Variants in SAP130 observed in about 807,000 individuals in gnomAD.
SAP130 encodes histone deacetylase complex subunit SAP130.
A neutral mutation model predicts 103.2 loss-of-function variants in SAP130; 16 were observed. The ratio of observed to expected loss-of-function variants is 0.16; its 90% CI spans 0.10 to 0.24. The LOEUF is 0.24. Among genes scored for constraint, SAP130 ranks in the 10% least tolerant of loss-of-function variants. The pLI is 1.00. For synonymous variants in SAP130, 477 were observed against 497.0 expected (o/e 0.96, Z 0.53); for missense variants, 990 against 1,359.7 (o/e 0.73, Z 4.28).
chr2:127,962,501 G>A lies in SAP130; in HGVS notation c.2064-7157C>T, dbSNP rs187284770. On this transcript the variant is annotated intron_variant, in intron 15 of 20. Coordinates refer to ENST00000643581, the MANE Select transcript of SAP130 (RefSeq NM_001330301.2). ...CCTAAATGTCCAAAAACGATAGACT[G>A]GATTAAGCAAATGTGGCACATATAC... Among the ~76,000 whole-genome samples the A allele has an allele frequency of 1.8e-4, 27 of 152,264 alleles. No individual in the cohort carries two copies. In the Middle Eastern group the frequency reaches 0.01, roughly 58 times the overall value.
rs754945555 is a variant in SAP130 at position 128,023,652 on chromosome 2, C to T, written c.112+2529G>A. On this transcript the variant is annotated intron_variant, in intron 2 of 20. Transcript: ENST00000643581. ...AAAATTAGCCGGGCACGGTGGTGGG[C>T]GCCTGTAGTCCCAGCTACTCAGGAG... is the stretch of plus-strand genomic sequence containing the variant. 2.6e-5 allele frequency among the ~76,000 whole-genome samples: 4 copies of T among 152,090 alleles called. No individual in the cohort carries two copies. The East Asian group carries it at 5.8e-4, about 22-fold the overall frequency.
intron 10 of SAP130, among the ~76,000 whole-genome samples, chr2:127,997,500 C>T (rs1308625977): frequency 6.6e-6 from 1 of 152,204 alleles, no homozygotes; most frequent in Non-Finnish European, 1.5e-5. Flanking sequence ...GATGCCCAGC[C>T]AGCTCCTGTG....
chr2:127,946,448 A>C (rs1307233049), intron 18 of SAP130, among the ~76,000 whole-genome samples: 2 of 152,178 alleles, frequency 1.3e-5, no homozygotes, highest in Non-Finnish European at 2.9e-5. Flanking sequence ...TATCATGAAA[A>C]GGTGTTTAAT....
rs1383393651 is a variant in SAP130, at chr2:128,026,285, G to A, written c.8C>T (p.Ser3Phe). ...GGCTCCTAACCGAGGAAACTGTTGA[G>A]AACTCATTTCCACCTGTAGTACATA... The part of the protein sequence containing the change: MS[S>F]QQFPRLGAPS... The change falls in exon 2 of 21, where the codon TCT (serine) becomes TTT (phenylalanine). Residue 3 changes from serine (S) to phenylalanine (F), a missense_variant. By Grantham distance (155) the Ser-to-Phe change is radical (BLOSUM62 -2). Coordinates refer to ENST00000643581, the MANE Select transcript of SAP130 (RefSeq NM_001330301.2). 2 of 1,612,826 alleles carry A rather than the reference G, an allele frequency of 1.2e-6. No individual in the cohort carries two copies. Among genetic ancestry groups the A allele is most frequent in the South Asian group, 1.1e-5 (1 of 91,066 alleles).
chr2:127,999,883 CT>C, intron 9 of SAP130, 38 bp from the exon 10 acceptor site: 1 of 1,446,150 alleles, frequency 6.9e-7, no homozygotes, highest in Non-Finnish European at 9.4e-7. Context: ...TTAACAAGAA[CT>C]TCTCTGCACA....
rs146149734 is a variant in SAP130 at position 127,968,079 on chromosome 2, G to A, written c.2063+9906C>T. Among the ~76,000 whole-genome samples the A allele has an allele frequency of 5.0e-3, 764 of 151,340 alleles. 5 individuals are homozygous for A. Among genetic ancestry groups the A allele is most frequent in the Middle Eastern group, 0.01 (3 of 286 alleles). On this transcript the variant is annotated intron_variant, in intron 15 of 20. Coordinates refer to ENST00000643581, the MANE Select transcript of SAP130 (RefSeq NM_001330301.2). ...CAGAACACTTCCTTAAACTTTTGGC[G>A]TCTTCATAATGTAACAGCTATAGTA... is the stretch of plus-strand genomic sequence containing the variant.
chr2:127,985,387 TAA>T (rs1287848568), intron 14 of SAP130, among the ~76,000 whole-genome samples: 4 of 152,226 alleles, frequency 2.6e-5, no homozygotes, highest in Non-Finnish European at 4.4e-5. Flanking sequence ...CCCAGCAATT[TAA>T]GTTTGCACTT....
rs1573676212 is a variant in SAP130 at position 127,964,998 on chromosome 2, C to CGA, written c.2064-9655_2064-9654insTC. On this transcript the variant is annotated intron_variant, in intron 15 of 20. Transcript: ENST00000643581. ...TGGGTGACAGAATGAGACTCTGTCTCAAAAAAAAAAAAAACAGGCTGGGTG... is the reference window on the plus strand; with the variant it reads ...TGGGTGACAGAATGAGACTCTGTCTCGAAAAAAAAAAAAAAACAGGCTGGGTG... Among the ~76,000 whole-genome samples, 3 of 136,488 alleles carry CGA rather than the reference C, an allele frequency of 2.2e-5. 1 individual carries two copies. The East Asian group carries it at 6.6e-4, about 30-fold the overall frequency. The allele number at this position is 136,488 out of a possible 152,430, so 89.5% of individuals were successfully genotyped here. A position where few individuals can be genotyped will look rare whatever the true frequency, so the allele number is the denominator to read the frequency against.
chr2:127,949,170 T>C lies in SAP130; in HGVS notation c.2797+699A>G, dbSNP rs375173060. ...CATCTTGAGCCTTCAAGAAAACCCT[T>C]AGAGCAGTTTCCAAATGGGATTTAT... is the stretch of plus-strand genomic sequence containing the variant. On this transcript the variant is annotated intron_variant, in intron 18 of 20. Coordinates refer to ENST00000643581, the MANE Select transcript of SAP130 (RefSeq NM_001330301.2). Among the ~76,000 whole-genome samples, 4 of 152,170 alleles carry C rather than the reference T, an allele frequency of 2.6e-5. No homozygotes were observed. In the South Asian group the frequency reaches 8.3e-4, roughly 31 times the overall value.
chr2:127,965,455 A>G (rs1006853001), intron 15 of SAP130, among the ~76,000 whole-genome samples: 3 of 152,114 alleles, frequency 2.0e-5, no homozygotes, highest in Non-Finnish European at 2.9e-5. Context: ...TGAGTGACAC[A>G]GTGAGATTCT....
rs1682933003 is a variant in SAP130 at position 127,993,202 on chromosome 2, T to G, written c.1462A>C (p.Ile488Leu). 7 of 1,613,922 alleles carry G rather than the reference T, an allele frequency of 4.3e-6. No homozygotes were observed. Among genetic ancestry groups the G allele is most frequent in the Non-Finnish European group, 5.9e-6 (7 of 1,180,004 alleles). ...YTPITSSVSTIRQYPVSAQAP... is the reference protein window; with the variant it reads ...YTPITSSVSTLRQYPVSAQAP... Reference sequence around the variant, plus strand: ...GGGCTCATACCTGGATACTGTCGGATAGTGGACACGGAACTGGTGATTGGG... The same window carrying G: ...GGGCTCATACCTGGATACTGTCGGAGAGTGGACACGGAACTGGTGATTGGG... The change falls in exon 12 of 21, where the codon ATC becomes CTC. Residue 488 changes from isoleucine (I) to leucine (L), a missense_variant. Physicochemically the swap from Ile to Leu is conservative, Grantham distance 5 (BLOSUM62 2). Transcript: ENST00000643581.
Position 127,941,646 on chromosome 2 carries a change from A to T in SAP130, c.*360T>A. ...GAGTGGATACTTTCAGTCCAGGCTC[A>T]GTATGGGGCCTGCAGGAATCCACTA... On this transcript the variant is annotated 3_prime_UTR_variant, in exon 21 of 21. Transcript: ENST00000643581. The T allele has an allele frequency of 4.4e-6, 1 of 227,478 alleles. No homozygotes were observed. Among genetic ancestry groups the T allele is most frequent in the Non-Finnish European group, 8.5e-6 (1 of 118,090 alleles). 14.1% of individuals were successfully genotyped at this position (227,478 alleles called of 1,614,324 possible).
intron 10 of SAP130, among the ~76,000 whole-genome samples, 177 bp downstream of exon 10, chr2:127,999,564 A>G (rs1475660665): frequency 6.6e-6 from 1 of 151,818 alleles, no homozygotes; most frequent in Non-Finnish European, 1.5e-5. Context: ...AGATCACGTC[A>G]CTGCACTCCA....
intron 15 of SAP130, among the ~76,000 whole-genome samples, chr2:127,957,571 G>A (rs1046135676): frequency 2.6e-5 from 4 of 152,002 alleles, no homozygotes; most frequent in Non-Finnish European, 5.9e-5. Flanking sequence ...CGACTCTGGA[G>A]GCTGAAGAGC....
chr2:128,005,174 T>C (rs1287556259), intron 7 of SAP130, among the ~76,000 whole-genome samples: 1 of 151,952 alleles, frequency 6.6e-6, no homozygotes, highest in Non-Finnish European at 1.5e-5. Context: ...TGGGCAGAGC[T>C]CCAGAGAGAA....
intron 14 of SAP130, among the ~76,000 whole-genome samples, chr2:127,983,978 A>T (rs2104970743): frequency 6.6e-6 from 1 of 151,932 alleles, no homozygotes; most frequent in East Asian, 1.9e-4. Flanking sequence ...CAAACTCCTT[A>T]CTTTGTAATC....
At chr2:128,000,026 G>C in intron 9 of SAP130, 30 bp downstream of exon 9, 1 of 1,601,660 alleles carries the variant, frequency 6.2e-7, no homozygotes, top group Non-Finnish European at 8.6e-7. Context: ...TTTTTCCCCA[G>C]TAGAAGGAAG....
chr2:127,958,649 AG>A (rs1162705275), intron 15 of SAP130, among the ~76,000 whole-genome samples: 3 of 125,274 alleles, frequency 2.4e-5, no homozygotes, highest in African/African-American at 6.7e-5. Flanking sequence ...AGAGAGAGAG[AG>A]AGAGAGAGAG....
intron 2 of SAP130, among the ~76,000 whole-genome samples, chr2:128,021,120 AG>A (rs967714422): frequency 6.6e-6 from 1 of 152,168 alleles, no homozygotes; most frequent in African/African-American, 2.4e-5. Flanking sequence ...TGATCTCTTC[AG>A]GAAAAAATTC....
Sources: gnomAD v4.1 joint callset for allele counts (sites outside exome capture counted in the v4.1 genomes callset) on GRCh38, gnomAD v4.1.1 for gene constraint, MANE v1.5 for transcripts, NCBI Gene and HGNC (gene_info 2026-07-23, HGNC 2026-07-21) for gene names.